The following CDC42BPB variants were observed in gnomAD, a reference collection of about 807,000 sequenced individuals.
CDC42BPB encodes CDC42 binding protein kinase beta.
CDC42BPB carries 37 observed loss-of-function variants against 214.9 expected under a neutral mutation model. The observed-to-expected ratio is 0.17, with a 90% CI of 0.13 to 0.23. The LOEUF is 0.23. CDC42BPB is among the 10% of genes least tolerant of loss of function. The pLI is 1.00. For synonymous variants in CDC42BPB, 931 were observed against 884.0 expected, an observed-to-expected ratio of 1.05 and a Z score of -0.94; for missense variants, 1,694 against 2,227.0, an observed-to-expected ratio of 0.76 and a Z score of 4.82.
chr14:103,014,168 A>C (rs1477089327), intron 1 of CDC42BPB, among the ~76,000 whole-genome samples: 1 of 109,112 alleles, frequency 9.2e-6, no homozygotes, highest in Non-Finnish European at 1.9e-5. Context: ...TCCGTCTCAA[A>C]AAAAAAAAAA....
In CDC42BPB at chr14:103,012,159, T is replaced by C; in HGVS notation, c.205A>G (p.Met69Val). The C allele has an allele frequency of 6.2e-7, 1 of 1,613,796 alleles. No homozygotes were observed. The highest frequency in any genetic ancestry group is 8.5e-7 in the Non-Finnish European group (1 of 1,179,804). ...TCAAAGTCTTCTCGATGAAGCTGCATTTCTTTCACCAGCTGTGTAAATGGT... is the reference window on the plus strand; with the variant it reads ...TCAAAGTCTTCTCGATGAAGCTGCACTTCTTTCACCAGCTGTGTAAATGGT... Reference protein sequence around the residue: ...AKPFTQLVKEMQLHREDFEII... With the variant: ...AKPFTQLVKEVQLHREDFEII... Residue 69 changes from methionine (M) to valine (V), a missense_variant, in exon 2 of 37, where the codon ATG (methionine) becomes GTG (valine). Coordinates refer to ENST00000361246, the MANE Select transcript of CDC42BPB (RefSeq NM_006035.4).
At chr14:102,964,041 T>G (rs1325425444) in intron 19 of CDC42BPB, among the ~76,000 whole-genome samples, 1 of 152,230 alleles carries the variant, frequency 6.6e-6, no homozygotes, top group African/African-American at 2.4e-5. Context: ...AATGGCGTTC[T>G]CGTTACTGCT....
At chr14:102,994,097 C>T (rs960889382) in intron 5 of CDC42BPB, among the ~76,000 whole-genome samples, 11 of 152,146 alleles carry the variant, frequency 7.2e-5, no homozygotes, top group African/African-American at 1.4e-4. Context: ...CGCCGAGACA[C>T]GCCACAACAG....
chr14:102,939,509 T>A, intron 34 of CDC42BPB, 101 bp downstream of exon 34: 2 of 835,306 alleles, frequency 2.4e-6, no homozygotes, highest in Non-Finnish European at 4.0e-6. Context: ...AGCGCCAGCC[T>A]CGCAGGCACT....
At chr14:102,970,094 G>T in intron 14 of CDC42BPB, 57 bp downstream of exon 14, 2 of 1,373,114 alleles carry the variant, frequency 1.5e-6, no homozygotes, top group Non-Finnish European at 1.0e-6. Context: ...ATGTGGTGGC[G>T]TCAGCAAAGA....
At chr14:102,978,456 C>T (rs970717595) in intron 8 of CDC42BPB, 13 of 367,744 alleles carry the variant, frequency 3.5e-5, no homozygotes, top group African/African-American at 2.9e-4. Flanking sequence ...ATGACAGTGG[C>T]ACAGGCCGTC....
In CDC42BPB at chr14:102,945,550, G is replaced by A. The variant is rs188873186; in HGVS notation, c.3811+112C>T. On this transcript the variant is annotated intron_variant, in intron 29 of 36. Coordinates refer to ENST00000361246, the MANE Select transcript of CDC42BPB (RefSeq NM_006035.4). ...TTCACGGCACGCTGGCCCCTCCGGC[G>A]CCTTCATCAAGCGCATTTGTCTTAA... The A allele has an allele frequency of 4.4e-3, 4,114 of 927,094 alleles. 18 individuals are homozygous for A. The highest frequency in any genetic ancestry group is 5.6e-3 in the Non-Finnish European group (3,279 of 589,316). The allele number at this position is 927,094 out of a possible 1,614,324, so 57.4% of individuals were successfully genotyped here. A position where few individuals can be genotyped will look rare whatever the true frequency, so the allele number is the denominator to read the frequency against.
At chr14:103,000,870 G>C (rs1437210627) in intron 4 of CDC42BPB, among the ~76,000 whole-genome samples, 1 of 152,166 alleles carries the variant, frequency 6.6e-6, no homozygotes, top group Non-Finnish European at 1.5e-5. Context: ...GCTTGGGGAT[G>C]GGCCCGGGGT....
intron 1 of CDC42BPB, among the ~76,000 whole-genome samples, chr14:103,035,253 C>A (rs1221814891): frequency 6.6e-6 from 1 of 152,046 alleles, no homozygotes; most frequent in African/African-American, 2.4e-5. Context: ...GACGGGGTTT[C>A]TCCTTGTCGG....
At chr14:103,033,211 T>C (rs2139714278) in intron 1 of CDC42BPB, among the ~76,000 whole-genome samples, 1 of 152,160 alleles carries the variant, frequency 6.6e-6, no homozygotes, top group East Asian at 1.9e-4. Flanking sequence ...TACCTCTTTT[T>C]GTTTTATTTT....
At chr14:102,972,781 G>C (rs1893544776) in intron 12 of CDC42BPB, among the ~76,000 whole-genome samples, 2 of 144,384 alleles carry the variant, frequency 1.4e-5, no homozygotes, top group South Asian at 2.2e-4. Context: ...GCTTACAGGA[G>C]GACGCTCCGT....
intron 36 of CDC42BPB, among the ~76,000 whole-genome samples, chr14:102,936,049 G>A (rs1891634423): frequency 6.6e-6 from 1 of 152,060 alleles, no homozygotes; most frequent in Non-Finnish European, 1.5e-5. Flanking sequence ...ACCACAATCA[G>A]GTACTACTTC....
At chr14:103,053,494 G>A (rs113220739) in intron 1 of CDC42BPB, among the ~76,000 whole-genome samples, 4,909 of 152,138 alleles carry the variant, frequency 0.032, 243 homozygotes, top group African/African-American at 0.11. Context: ...AGGCACGGTG[G>A]CTCACACCTG....
intron 3 of CDC42BPB, among the ~76,000 whole-genome samples, chr14:103,007,204 A>G (rs1885879075): frequency 6.6e-6 from 1 of 152,238 alleles, no homozygotes; most frequent in Non-Finnish European, 1.5e-5. Context: ...AAATGGTGCT[A>G]ACTCTGTCAA....
At chr14:103,018,254 T>C (rs1032330177) in intron 1 of CDC42BPB, among the ~76,000 whole-genome samples, 12 of 152,192 alleles carry the variant, frequency 7.9e-5, no homozygotes, top group African/African-American at 2.9e-4. Flanking sequence ...GAGCTGTCCG[T>C]GGCCTGGGGG....
chr14:103,010,923 G>A (rs537955899), intron 2 of CDC42BPB, among the ~76,000 whole-genome samples: 67 of 152,318 alleles, frequency 4.4e-4, no homozygotes, highest in African/African-American at 1.4e-3. Context: ...CCAGCTACTC[G>A]GGAGGCTGAG....
At chr14:102,935,787 CATTA>C (rs1281124087) in intron 36 of CDC42BPB, among the ~76,000 whole-genome samples, 185 of 142,140 alleles carry the variant, frequency 1.3e-3, no homozygotes, top group African/African-American at 4.8e-3. Flanking sequence ...AAAAAAAAGA[CATTA>C]ATTATGAGGA....
chr14:103,021,232 G>A (rs774247512), intron 1 of CDC42BPB, among the ~76,000 whole-genome samples: 2 of 152,176 alleles, frequency 1.3e-5, no homozygotes, highest in African/African-American at 4.8e-5. Flanking sequence ...AGGCCGAGGC[G>A]AGTGGATCAC....
intron 9 of CDC42BPB, among the ~76,000 whole-genome samples, chr14:102,977,744 C>T (rs1444073912): frequency 1.3e-5 from 2 of 152,196 alleles, no homozygotes; most frequent in African/African-American, 2.4e-5. Context: ...TGGCAAACTA[C>T]GGCCTCTGGG....
Sources: allele counts gnomAD v4.1 joint callset (sites outside exome capture counted in the v4.1 genomes callset), GRCh38; gene constraint gnomAD v4.1.1; transcripts MANE v1.5; gene names NCBI Gene and HGNC (gene_info 2026-07-23, HGNC 2026-07-21).